PRELID2: variants seen among roughly 807,000 people sequenced by gnomAD.
PRELID2 encodes the protein PRELI domain containing 2.
Under a neutral mutation model 28.4 loss-of-function variants are expected in PRELID2, and 25 were observed. That is an observed-to-expected ratio of 0.88 (90% CI 0.64 to 1.23). The LOEUF is 1.23. PRELID2 is among the 50% of genes most tolerant of loss of function. PRELID2 has a pLI of 0.00. For synonymous variants in PRELID2, 76 were observed against 71.6 expected, an observed-to-expected ratio of 1.06 and a Z score of -0.31; for missense variants, 201 against 214.4, an observed-to-expected ratio of 0.94 and a Z score of 0.39.
In PRELID2 at chr5:145,819,977, A is replaced by AGATTG. The variant is rs758379358; in HGVS notation, c.170_174dup (p.Cys59GlnfsTer11). 2.1e-5 allele frequency: 34 copies of AGATTG among 1,607,116 alleles called. No homozygotes were observed. Among genetic ancestry groups the AGATTG allele is most frequent in the Non-Finnish European group, 8.5e-7 (1 of 1,175,872 alleles). On this transcript the variant is annotated frameshift_variant, in exon 3 of 7. Transcript: ENST00000683046. LOFTEE classifies it high-confidence loss of function. Reference sequence around the variant, plus strand: ...AAAATTTCTGGAACCACGTTCTGACAGATTGCAATCCTCTTTCTGTAGATG... The same window carrying AGATTG: ...AAAATTTCTGGAACCACGTTCTGACAGATTGGATTGCAATCCTCTTTCTGTAGATG...
chr5:145,726,325 G>GAAAA (rs571090310), intron 1 of PRELID2, among the ~76,000 whole-genome samples: 14,228 of 142,858 alleles, frequency 0.1, 711 homozygotes, highest in South Asian at 0.13. Context: ...GAGAGAAAGA[G>GAAAA]AGAAAGAGAA....
At chr5:145,233,157 C>T in the PRELID2 span, among the ~76,000 whole-genome samples, 1 of 152,014 alleles carries the variant, frequency 6.6e-6, no homozygotes, top group Non-Finnish European at 1.5e-5. Context: ...AGGGGTCTGC[C>T]AATTTACCCA....
At chr5:145,655,787 C>T (rs2149674058) in intron 1 of PRELID2, among the ~76,000 whole-genome samples, 1 of 152,236 alleles carries the variant, frequency 6.6e-6, no homozygotes, top group East Asian at 1.9e-4. Context: ...GACCTAAAAC[C>T]ATAAAAACCC....
At chr5:145,714,565 AAT>A (rs767325527) in intron 1 of PRELID2, among the ~76,000 whole-genome samples, 42 of 152,274 alleles carry the variant, frequency 2.8e-4, no homozygotes, top group Admixed American at 1.5e-3. Context: ...TCCAGGAAAT[AAT>A]ATGTGTTAAG....
At chr5:145,584,258 C>G (rs1753133217) in intron 1 of PRELID2, among the ~76,000 whole-genome samples, 1 of 151,996 alleles carries the variant, frequency 6.6e-6, no homozygotes, top group Admixed American at 6.6e-5. Flanking sequence ...GAAGCTGGAC[C>G]CCTTTCTTAC....
chr5:145,525,311 T>C (rs1221005666), intron 1 of PRELID2, among the ~76,000 whole-genome samples: 1 of 152,136 alleles, frequency 6.6e-6, no homozygotes, highest in Non-Finnish European at 1.5e-5. Context: ...TGCAGGTAAA[T>C]TGGGGTGAAA....
chr5:145,667,772 A>G (rs956078471), intron 1 of PRELID2, among the ~76,000 whole-genome samples: 1 of 152,054 alleles, frequency 6.6e-6, no homozygotes, highest in Non-Finnish European at 1.5e-5. Context: ...AATAATATCA[A>G]TATAAACCCA....
chr5:145,821,191 T>TG (rs1561649985), intron 2 of PRELID2, among the ~76,000 whole-genome samples: 38 of 31,382 alleles, frequency 1.2e-3, no homozygotes, highest in Non-Finnish European at 1.9e-3. Flanking sequence ...GTAAGTCCTC[T>TG]TCTGTGTGTG....
chr5:145,784,630 G>A (rs111759351), intron 5 of PRELID2, among the ~76,000 whole-genome samples: 10 of 152,062 alleles, frequency 6.6e-5, no homozygotes, highest in African/African-American at 2.4e-4. Context: ...TCATAATAGT[G>A]AAGAAAAATA....
chr5:145,454,028 A>G, the PRELID2 span, among the ~76,000 whole-genome samples: 1 of 152,156 alleles, frequency 6.6e-6, no homozygotes, highest in Non-Finnish European at 1.5e-5. Context: ...TAGATCCTTG[A>G]GGAATCACCA....
At chr5:145,246,363 A>G in the PRELID2 span, among the ~76,000 whole-genome samples, 3 of 152,132 alleles carry the variant, frequency 2.0e-5, no homozygotes, top group East Asian at 1.9e-4. Context: ...AATCAAAATG[A>G]CATGGCCTTT....
chr5:145,798,674 C>T (rs1000177872), intron 4 of PRELID2, among the ~76,000 whole-genome samples: 3 of 152,162 alleles, frequency 2.0e-5, no homozygotes, highest in African/African-American at 7.2e-5. Context: ...ACATATACAC[C>T]ATGGAATAGT....
the PRELID2 span, among the ~76,000 whole-genome samples, chr5:145,247,285 C>T: frequency 6.6e-6 from 1 of 152,112 alleles, no homozygotes; most frequent in East Asian, 1.9e-4. Flanking sequence ...ACCTGATCCC[C>T]AGATGCTGGA....
intron 5 of PRELID2, among the ~76,000 whole-genome samples, chr5:145,778,475 T>C (rs1758558206): frequency 6.6e-6 from 1 of 152,184 alleles, no homozygotes. Flanking sequence ...GTCTTACTCA[T>C]CCTCCATTTG....
At chr5:145,469,853 G>A (rs368993205), downstream of PRELID2, among the ~76,000 whole-genome samples, 28 of 152,206 alleles carry the variant, frequency 1.8e-4, no homozygotes, top group South Asian at 2.7e-3. Flanking sequence ...TTGGTATTGA[G>A]AAATTTCACA....
chr5:145,369,965 T>C, the PRELID2 span, among the ~76,000 whole-genome samples: 1 of 152,048 alleles, frequency 6.6e-6, no homozygotes, highest in Non-Finnish European at 1.5e-5. Flanking sequence ...AATGGGTTTT[T>C]TTTTTGTAAA....
chr5:145,415,055 C>T, the PRELID2 span, among the ~76,000 whole-genome samples: 1 of 152,116 alleles, frequency 6.6e-6, no homozygotes, highest in Non-Finnish European at 1.5e-5. Flanking sequence ...CTTATCACCA[C>T]ACAGCACTTC....
the PRELID2 span, among the ~76,000 whole-genome samples, chr5:145,353,820 C>A: frequency 1.3e-5 from 2 of 152,232 alleles, no homozygotes; most frequent in South Asian, 4.1e-4. Flanking sequence ...GGGACACAGG[C>A]AAACCACATC....
In PRELID2 at chr5:145,514,815, C is replaced by A. The variant is rs555541872; in HGVS notation, n.71-41500G>T. ...GAAATCATAACAAACAGTCTTAGAC[C>A]ACAGTGCAATCAAATTAGAACTCGT... is the stretch of plus-strand genomic sequence containing the variant. On this transcript the variant is annotated intron_variant and non_coding_transcript_variant, in intron 1 of 2. Transcript: ENST00000510259. 7.9e-5 allele frequency among the ~76,000 whole-genome samples: 12 copies of A among 152,228 alleles called. No individual in the cohort carries two copies. In the South Asian group the frequency reaches 2.5e-3, roughly 32 times the overall value.
Sources: allele counts gnomAD v4.1 joint callset (sites outside exome capture counted in the v4.1 genomes callset), GRCh38; gene constraint gnomAD v4.1.1; transcripts MANE v1.5; gene names NCBI Gene and HGNC (gene_info 2026-07-23, HGNC 2026-07-21).